PSMC5: variants seen among roughly 807,000 people sequenced by gnomAD.
The protein encoded by PSMC5 is 26S proteasome regulatory subunit 8.
Under a neutral mutation model 49.1 loss-of-function variants are expected in PSMC5, and 11 were observed. The ratio of observed to expected loss-of-function variants is 0.22; its 90% CI spans 0.14 to 0.37. The LOEUF is 0.37. Ranked by LOEUF, PSMC5 falls within the 10% of genes least tolerant of loss-of-function variation. The pLI is 1.00. For missense variants in PSMC5, 229 were observed against 520.9 expected (o/e 0.44, Z 5.45); for synonymous variants, 206 against 192.2 (o/e 1.07, Z -0.59).
chr17:63,830,771 TGTA>T lies in PSMC5; in HGVS notation c.553-36_553-34del. The T allele has an allele frequency of 6.2e-7, 1 of 1,609,434 alleles. No individual in the cohort carries two copies. The highest frequency in any genetic ancestry group is 8.5e-7 in the Non-Finnish European group (1 of 1,177,852). ...AATGTTCACTGAATGAAATGAGGGG[TGTA>T]GCTTTCTGCCCTGAGTCCTGCTGTT... On this transcript the variant is annotated intron_variant, in intron 6 of 11. Coordinates refer to ENST00000310144, the MANE Select transcript of PSMC5 (RefSeq NM_002805.6). The surrounding 1 kb of genome is among the most constrained non-coding windows in gnomAD (Gnocchi z 4.0).
At chr17:63,827,776 G>T (rs2040128439) in intron 1 of PSMC5, 17 of 1,431,196 alleles carry the variant, frequency 1.2e-5, no homozygotes, top group Non-Finnish European at 1.5e-5. Flanking sequence ...CCCACGGGTC[G>T]CAGGAGACGG....
In PSMC5 at chr17:63,831,435, G is replaced by C; in HGVS notation, c.969+10G>C. 1 of 1,613,550 alleles carries C rather than the reference G, an allele frequency of 6.2e-7. No homozygotes were observed. The highest frequency in any genetic ancestry group is 8.5e-7 in the Non-Finnish European group (1 of 1,179,554). The stretch of plus-strand genomic sequence containing the variant: ...ACCCCCCAATGAGGAGGTTTGTGAT[G>C]GACACTGTGCAAAGTGGCTCTGGCT... On this transcript the variant is annotated intron_variant, in intron 9 of 11. Coordinates refer to ENST00000310144, the MANE Select transcript of PSMC5 (RefSeq NM_002805.6). This position sits in a 1 kb window ranked among gnomAD's most constrained non-coding sequence, Gnocchi z 6.3.
In PSMC5 at chr17:63,827,771, G is replaced by A. The variant is rs2144614785; in HGVS notation, c.24+257G>A. 9 of 1,431,686 alleles carry A rather than the reference G, an allele frequency of 6.3e-6. No homozygotes were observed. The South Asian group carries it at 1.3e-4, about 21-fold the overall frequency. The allele number at this position is 1,431,686 out of a possible 1,614,324, so 88.7% of individuals were successfully genotyped here. Reference sequence around the variant, plus strand: ...ATGGGCGCGGGAATGGCCGGCCCACGGGTCGCAGGAGACGGGACGCCAGTC... The same window carrying A: ...ATGGGCGCGGGAATGGCCGGCCCACAGGTCGCAGGAGACGGGACGCCAGTC... On this transcript the variant is annotated intron_variant, in intron 1 of 11. Transcript: ENST00000310144.
intron 2 of PSMC5, chr17:63,828,416 GT>G: frequency 1.9e-6 from 1 of 514,638 alleles, no homozygotes. Context: ...GGGTCTTAGT[GT>G]TCACAGTTTG....
At chr17:63,827,572 G>C in intron 1 of PSMC5, 58 bp downstream of exon 1, 2 of 1,551,392 alleles carry the variant, frequency 1.3e-6, no homozygotes, top group Non-Finnish European at 1.7e-6. Context: ...GAGCGAGCGT[G>C]ATCTGAGTGG....
chr17:63,828,547 A>G, intron 2 of PSMC5: 1 of 228,042 alleles, frequency 4.4e-6, no homozygotes, highest in Non-Finnish European at 8.8e-6. Flanking sequence ...TCAGGAGTTG[A>G]AATTTATCAC....
At chr17:63,829,750 C>T (rs1187785572) in intron 3 of PSMC5, 102 bp from the exon 4 acceptor site, 7 of 1,367,660 alleles carry the variant, frequency 5.1e-6, no homozygotes, top group Non-Finnish European at 1.0e-6. Flanking sequence ...TGACCTTTGG[C>T]CTTCCTTTAA....
chr17:63,831,023 G>A lies in PSMC5; in HGVS notation c.680-13G>A, dbSNP rs201435800. ...CTAATAAGCTCCCTAACACCAGCTC[G>A]GCCTCCACACAGGGGCAAGAATGGT... On this transcript the variant is annotated splice_polypyrimidine_tract_variant and intron_variant, in intron 7 of 11. Coordinates refer to ENST00000310144, the MANE Select transcript of PSMC5 (RefSeq NM_002805.6). The surrounding 1 kb of genome is among the most constrained non-coding windows in gnomAD (Gnocchi z 6.3). 1.0e-5 allele frequency: 16 copies of A among 1,588,836 alleles called. No individual in the cohort carries two copies. Among genetic ancestry groups the A allele is most frequent in the African/African-American group, 2.7e-5 (2 of 74,474 alleles).
At chr17:63,827,770 C>G in intron 1 of PSMC5, 2 of 1,431,374 alleles carry the variant, frequency 1.4e-6, no homozygotes, top group Non-Finnish European at 1.8e-6. Context: ...GGCCGGCCCA[C>G]GGGTCGCAGG....
chr17:63,831,478 G>A lies in PSMC5; in HGVS notation c.970-28G>A. 1.2e-6 allele frequency: 2 copies of A among 1,613,066 alleles called. No homozygotes were observed. The highest frequency in any genetic ancestry group is 1.7e-6 in the Non-Finnish European group (2 of 1,179,166). ...CTCTGGCTGTGGGGGTGGGGTGTGGGGCTCAGGCTTTTCCTTGCCATCTCC... is the reference window on the plus strand; with the variant it reads ...CTCTGGCTGTGGGGGTGGGGTGTGGAGCTCAGGCTTTTCCTTGCCATCTCC... On this transcript the variant is annotated intron_variant, in intron 9 of 11. Coordinates refer to ENST00000310144, the MANE Select transcript of PSMC5 (RefSeq NM_002805.6). The surrounding 1 kb of genome is among the most constrained non-coding windows in gnomAD (Gnocchi z 6.3).
intron 2 of PSMC5, 77 bp from the exon 3 acceptor site, chr17:63,829,417 G>A: frequency 7.5e-7 from 1 of 1,330,804 alleles, no homozygotes; most frequent in East Asian, 2.5e-5. Flanking sequence ...ATTCAGACCT[G>A]TGAGGTCTTG....
At position 63,831,958 on chromosome 17, in the gene PSMC5, T is replaced by C. The variant is rs2040195322; in HGVS notation, c.1210T>C (p.Leu404=). The change falls in exon 12 of 12, where the codon TTA becomes CTA. Residue 404 remains leucine (L), a synonymous_variant. Transcript: ENST00000310144. This position sits in a 1 kb window ranked among gnomAD's most constrained non-coding sequence, Gnocchi z 6.3. ...DSEKNMSIKK[L]WK ...TGAGAAAAACATGTCCATCAAGAAA[T>C]TATGGAAGTGAGTGGACAGCCTTTG... The C allele has an allele frequency of 6.2e-7, 1 of 1,613,798 alleles. No homozygotes were observed. The highest frequency in any genetic ancestry group is 1.7e-5 in the Admixed American group (1 of 60,008).
Position 63,830,287 on chromosome 17 carries a change from G to C in PSMC5, c.338G>C (p.Arg113Pro). 1 of 1,614,142 alleles carries C rather than the reference G, an allele frequency of 6.2e-7. No homozygotes were observed. Among genetic ancestry groups the C allele is most frequent in the Non-Finnish European group, 8.5e-7 (1 of 1,180,036 alleles). Residue 113 changes from arginine (R) to proline (P), a missense_variant, in exon 6 of 12, where the codon CGG becomes CCG. Around this residue, in one of 4 missense-constraint regions of PSMC5, gnomAD observed 98 missense variants for 144.0 expected, o/e 0.68. Transcript: ENST00000310144. The surrounding 1 kb of genome is among the most constrained non-coding windows in gnomAD (Gnocchi z 4.0). The part of the protein sequence containing the change: ...IDINDVTPNC[R>P]VALRNDSYTL... ...TTCACCCAGGTGACACCCAATTGCC[G>C]GGTGGCTCTAAGGAATGACAGCTAC...
chr17:63,827,903 T>G (rs1009445517), intron 1 of PSMC5: 1 of 1,411,594 alleles, frequency 7.1e-7, no homozygotes, highest in Non-Finnish European at 9.3e-7. Context: ...CGCCTCTCGG[T>G]CCTCCTAAAA....
intron 2 of PSMC5, chr17:63,829,293 T>C (rs1341704057): frequency 5.4e-6 from 3 of 560,660 alleles, no homozygotes; most frequent in Non-Finnish European, 9.6e-6. Flanking sequence ...AGCAGCCTTC[T>C]TTGATGGCTG....
Position 63,831,241 on chromosome 17 carries a change from T to C in PSMC5, c.870+15T>C, listed in dbSNP as rs763168758. 10 of 1,595,574 alleles carry C rather than the reference T, an allele frequency of 6.3e-6. No homozygotes were observed. The highest frequency in any genetic ancestry group is 8.6e-6 in the Non-Finnish European group (10 of 1,168,420). On this transcript the variant is annotated intron_variant, in intron 8 of 11. Transcript: ENST00000310144. This position sits in a 1 kb window ranked among gnomAD's most constrained non-coding sequence, Gnocchi z 6.3. ...AGAACATCAAGGTAAGGTGGTAGCA[T>C]CCTTGGGATGGGCCCAGGGAAGGCC...
At position 63,830,630 on chromosome 17, in the gene PSMC5, AAG is replaced by A; in HGVS notation, c.552+132_552+133del. 6.7e-7 allele frequency: 1 copy of A among 1,486,994 alleles called. No homozygotes were observed. The allele number at this position is 1,486,994 out of a possible 1,614,324, so 92.1% of individuals were successfully genotyped here. On this transcript the variant is annotated intron_variant, in intron 6 of 11. Coordinates refer to ENST00000310144, the MANE Select transcript of PSMC5 (RefSeq NM_002805.6). The surrounding 1 kb of genome is among the most constrained non-coding windows in gnomAD (Gnocchi z 4.0). ...TGCTTGGGCTGGCCCTCCCCCTGAAAAGAGTGGCTGGGGAAGTGTTCCTAGGG... is the reference window on the plus strand; with the variant it reads ...TGCTTGGGCTGGCCCTCCCCCTGAAAAGTGGCTGGGGAAGTGTTCCTAGGG...
rs950245150 is a variant in PSMC5 at position 63,830,015 on chromosome 17, C to A, written c.264+66C>A. 1.0e-5 allele frequency: 16 copies of A among 1,562,594 alleles called. No homozygotes were observed. The highest frequency in any genetic ancestry group is 1.2e-5 in the Non-Finnish European group (14 of 1,148,216). On this transcript the variant is annotated intron_variant, in intron 4 of 11. Coordinates refer to ENST00000310144, the MANE Select transcript of PSMC5 (RefSeq NM_002805.6). The surrounding 1 kb of genome is among the most constrained non-coding windows in gnomAD (Gnocchi z 4.0). ...TGCATTCCCACCCCTTTGTGTGTAG[C>A]CTCGGGAGACAGGGTTCTGTGTTCT...
rs778871582 is a variant in PSMC5 at position 63,831,274 on chromosome 17, C to T, written c.870+48C>T. ...ATGGGCCCAGGGAAGGCCTGGGTGC[C>T]ACGCAGGCTGAGGAAGAGGTTTAGC... On this transcript the variant is annotated intron_variant, in intron 8 of 11. Transcript: ENST00000310144. This position sits in a 1 kb window ranked among gnomAD's most constrained non-coding sequence, Gnocchi z 6.3. The T allele has an allele frequency of 4.4e-6, 7 of 1,609,166 alleles. No homozygotes were observed. The East Asian group carries it at 1.6e-4, about 36-fold the overall frequency.
Sources: gnomAD v4.1 joint callset for allele counts on GRCh38, gnomAD v4.1.1 for gene constraint, gnomAD v4.1.1 regional missense constraint, Gnocchi (gnomAD v3.1) non-coding constraint, MANE v1.5 for transcripts, NCBI Gene and HGNC (gene_info 2026-07-23, HGNC 2026-07-21) for gene names.